RBM12: variants seen among roughly 807,000 people sequenced by gnomAD.
The protein encoded by RBM12 is RNA-binding protein 12.
A neutral mutation model predicts 37.2 loss-of-function variants in RBM12; 24 were observed. The ratio of observed to expected loss-of-function variants is 0.65; its 90% confidence interval spans 0.47 to 0.91. The LOEUF (loss-of-function observed/expected upper bound fraction) is 0.91. Among genes scored for constraint, RBM12 ranks in the 40% least tolerant of loss-of-function variants. RBM12 has a pLI of 0.00. For missense variants in RBM12, 1,061 were observed against 1,183.2 expected, an observed-to-expected ratio of 0.90 and a Z score of 1.52; for synonymous variants, 420 against 425.2, an observed-to-expected ratio of 0.99 and a Z score of 0.15.
chr20:35,654,409 T>C lies in RBM12; in HGVS notation c.914A>G (p.Tyr305Cys), dbSNP rs367922597. 1.2e-6 allele frequency: 2 copies of C among 1,614,052 alleles called. No individual in the cohort carries two copies. The highest frequency in any genetic ancestry group is 1.3e-5 in the African/African-American group (1 of 74,918). The change falls in exon 3 of 3, where the codon TAT becomes TGT. Residue 305 changes from tyrosine (Y) to cysteine (C), a missense_variant. Transcript: ENST00000374114. Reference protein sequence around the residue: ...KPLPINPDDLYVSVHGMPFSA... With the variant: ...KPLPINPDDLCVSVHGMPFSA... ...AAAGGGCATTCCATGCACACTGACA[T>C]ACAGATCATCAGGGTTGATGGGGAG...
chr20:35,661,514 T>A (rs2034229923), intron 1 of RBM12, among the ~76,000 whole-genome samples: 1 of 152,248 alleles, frequency 6.6e-6, no homozygotes, highest in Admixed American at 6.5e-5. Flanking sequence ...AAGCCACTGA[T>A]ATACTTCAGA....
Position 35,650,141 on chromosome 20 carries a change from T to C in RBM12, c.*2383A>G, listed in dbSNP as rs1032410132. ...TTAATAAATCTCAGATACACAAAAA[T>C]CAAGTTCCAGAGGGCAAAGCATTTA... On this transcript the variant is annotated 3_prime_UTR_variant, in exon 3 of 3. Transcript: ENST00000374114. 2 of 152,582 alleles carry C rather than the reference T, an allele frequency of 1.3e-5. No individual in the cohort carries two copies. The highest frequency in any genetic ancestry group is 6.5e-5 in the Admixed American group (1 of 15,284). The allele number at this position is 152,582 out of a possible 1,614,324, so 9.5% of individuals were successfully genotyped here.
rs539871048 is a variant in RBM12, at chr20:35,653,637, C to G, written c.1686G>C (p.Gln562His). ...CATCCACTGGGATTCCTTCTAGGAACTGAAGAACATCCATCTTTGTAATGC... is the reference window on the plus strand; with the variant it reads ...CATCCACTGGGATTCCTTCTAGGAAGTGAAGAACATCCATCTTTGTAATGC... ...PFSITKMDVLQFLEGIPVDEN... is the reference protein window; with the variant it reads ...PFSITKMDVLHFLEGIPVDEN... The change falls in exon 3 of 3, where the codon CAG becomes CAC. Residue 562 changes from glutamine to histidine, a missense_variant. This residue lies in a region of RBM12 where 517 missense variants were observed against 534.0 expected (regional missense o/e 0.97). Transcript: ENST00000374114. 2.5e-6 allele frequency: 4 copies of G among 1,614,036 alleles called. No homozygotes were observed. Among genetic ancestry groups the G allele is most frequent in the African/African-American group, 1.3e-5 (1 of 74,924 alleles).
At chr20:35,662,818 G>A (rs2034307815) in intron 1 of RBM12, among the ~76,000 whole-genome samples, 1 of 152,140 alleles carries the variant, frequency 6.6e-6, no homozygotes, top group South Asian at 2.1e-4. Context: ...TGTCAAAGAA[G>A]GTGAAAGAAG....
Position 35,654,447 on chromosome 20 carries a change from G to C in RBM12, c.876C>G (p.Ser292Arg). Residue 292 changes from serine (S) to arginine (R), a missense_variant, in exon 3 of 3, where the codon AGC becomes AGG. Ser to Arg is a moderately radical substitution (Grantham distance 110). Transcript: ENST00000374114. The stretch of plus-strand genomic sequence containing the variant: ...GGTTGATGGGGAGTGGCTTCACACT[G>C]CTCTGAGAGTTCATCTGGATAGGGT... ...PVNPIQMNSQ[S>R]SVKPLPINPD... 6.2e-7 allele frequency: 1 copy of C among 1,614,188 alleles called. No homozygotes were observed. The highest frequency in any genetic ancestry group is 8.5e-7 in the Non-Finnish European group (1 of 1,180,028).
intron 1 of RBM12, among the ~76,000 whole-genome samples, chr20:35,659,229 A>T (rs6121017): frequency 0.068 from 10,277 of 152,218 alleles, 427 homozygotes; most frequent in South Asian, 0.18. Context: ...TCTCAAAATA[A>T]TTATATATTT....
chr20:35,653,213 C>G lies in RBM12; in HGVS notation c.2110G>C (p.Glu704Gln). The change falls in exon 3 of 3, where the codon GAG (glutamate) becomes CAG (glutamine). Residue 704 changes from glutamate (E) to glutamine (Q), a missense_variant. Around this residue, in one of 3 missense-constraint regions of RBM12, gnomAD observed 517 missense variants for 534.0 expected, o/e 0.97. Transcript: ENST00000374114. The stretch of plus-strand genomic sequence containing the variant: ...GATCCTACAGTCAGGAAGGCATGCT[C>G]TTCACCTCCTGCACTAGGTATTCCT... ...SAGIPSAGGE[E>Q]HAFLTVGSKE... The G allele has an allele frequency of 3.1e-6, 5 of 1,613,544 alleles. No individual in the cohort carries two copies. The highest frequency in any genetic ancestry group is 4.2e-6 in the Non-Finnish European group (5 of 1,179,962).
chr20:35,661,460 A>G (rs1395451232), intron 1 of RBM12, among the ~76,000 whole-genome samples: 1 of 152,246 alleles, frequency 6.6e-6, no homozygotes. Flanking sequence ...CTATACATAC[A>G]GCATAATGAT....
rs1000929258 is a variant in RBM12, at chr20:35,650,133, C to T, written c.*2391G>A. The T allele has an allele frequency of 5.2e-5, 8 of 152,560 alleles. No individual in the cohort carries two copies. Among genetic ancestry groups the T allele is most frequent in the African/African-American group, 1.9e-4 (8 of 41,440 alleles). 9.5% of individuals were successfully genotyped at this position (152,560 alleles called of 1,614,324 possible). A position where few individuals can be genotyped will look rare whatever the true frequency, so the allele number is the denominator to read the frequency against. ...TAGCACTGTTAATAAATCTCAGATA[C>T]ACAAAAATCAAGTTCCAGAGGGCAA... On this transcript the variant is annotated 3_prime_UTR_variant, in exon 3 of 3. Coordinates refer to ENST00000374114, the MANE Select transcript of RBM12 (RefSeq NM_006047.6).
intron 1 of RBM12, among the ~76,000 whole-genome samples, chr20:35,661,492 G>C (rs2034228996): frequency 6.6e-6 from 1 of 152,210 alleles, no homozygotes; most frequent in Non-Finnish European, 1.5e-5. Flanking sequence ...AAATGGGCCT[G>C]ATTTGTCATT....
In RBM12 at chr20:35,652,722, C is replaced by T. The variant is rs2033605600; in HGVS notation, c.2601G>A (p.Val867=). The part of the protein sequence containing the change: ...VIKVQNMPFT[V]SIDEILDFFY... ...AGAAATCTAAAATCTCATCAATAGA[C>T]ACAGTAAAGGGCATGTTTTGCACTT... The change falls in exon 3 of 3, where the codon GTG becomes GTA. Residue 867 remains valine (V), a synonymous_variant. Transcript: ENST00000374114. The T allele has an allele frequency of 6.2e-7, 1 of 1,613,966 alleles. No homozygotes were observed. The highest frequency in any genetic ancestry group is 1.3e-5 in the African/African-American group (1 of 74,926).
Position 35,650,049 on chromosome 20 carries a change from A to T in RBM12, c.*2475T>A, listed in dbSNP as rs2033395293. ...TAGTTTCACAGAATACATTTTCAAGAATTTTTTAAAAACTGAAACTCCAAT... is the reference window on the plus strand; with the variant it reads ...TAGTTTCACAGAATACATTTTCAAGTATTTTTTAAAAACTGAAACTCCAAT... On this transcript the variant is annotated 3_prime_UTR_variant, in exon 3 of 3. Transcript: ENST00000374114. 1 of 152,636 alleles carries T rather than the reference A, an allele frequency of 6.6e-6. No individual in the cohort carries two copies. The highest frequency in any genetic ancestry group is 1.5e-5 in the Non-Finnish European group (1 of 68,014). 9.5% of individuals were successfully genotyped at this position (152,636 alleles called of 1,614,324 possible).
chr20:35,655,080 A>G lies in RBM12; in HGVS notation c.243T>C (p.Asn81=). The G allele has an allele frequency of 6.2e-7, 1 of 1,614,182 alleles. No individual in the cohort carries two copies. Among genetic ancestry groups the G allele is most frequent in the Non-Finnish European group, 8.5e-7 (1 of 1,180,042 alleles). Reference sequence around the variant, plus strand: ...AACGCCTACGACTCAGTTCAATCATATTCTGCATTTCCGTCTTACTACTCA... The same window carrying G: ...AACGCCTACGACTCAGTTCAATCATGTTCTGCATTTCCGTCTTACTACTCA... ...LLLSSKTEMQ[N]MIELSRRRFE... Residue 81 remains asparagine (N), a synonymous_variant, in exon 3 of 3, where the codon AAT becomes AAC. Transcript: ENST00000374114.
chr20:35,655,513 A>G (rs1039508362), intron 2 of RBM12, among the ~76,000 whole-genome samples, 169 bp from the exon 3 acceptor site: 1 of 152,260 alleles, frequency 6.6e-6, no homozygotes, highest in African/African-American at 2.4e-5. Flanking sequence ...CGTGCCATTT[A>G]CAATGTAAAA....
chr20:35,659,927 C>T (rs6060540), intron 1 of RBM12, among the ~76,000 whole-genome samples: 10,391 of 152,156 alleles, frequency 0.068, 440 homozygotes, highest in South Asian at 0.18. Flanking sequence ...AGATTACCTA[C>T]GACTACTTTT....
intron 1 of RBM12, among the ~76,000 whole-genome samples, chr20:35,662,097 TG>T (rs1331646279): frequency 6.6e-6 from 1 of 152,210 alleles, no homozygotes; most frequent in Non-Finnish European, 1.5e-5. Context: ...AAAATTATTC[TG>T]ACACTGATGG....
intron 2 of RBM12, 129 bp from the exon 3 acceptor site, chr20:35,655,473 T>C: frequency 1.3e-6 from 1 of 765,016 alleles, no homozygotes; most frequent in South Asian, 2.0e-5. Context: ...GCAATGTCTT[T>C]AATTTAGATA....
intron 2 of RBM12, 25 bp from the exon 3 acceptor site, chr20:35,655,369 C>A (rs771955289): frequency 6.5e-7 from 1 of 1,549,892 alleles, no homozygotes; most frequent in Non-Finnish European, 8.7e-7. Flanking sequence ...AGGCAACGGC[C>A]AGGTCAGACT....
Position 35,653,923 on chromosome 20 carries a change from T to C in RBM12, c.1400A>G (p.Asn467Ser). The C allele has an allele frequency of 1.2e-6, 2 of 1,614,186 alleles. No individual in the cohort carries two copies. Among genetic ancestry groups the C allele is most frequent in the Non-Finnish European group, 1.7e-6 (2 of 1,180,032 alleles). The part of the protein sequence containing the change: ...EDSIYIAYGP[N>S]GKATGEGFVE... The stretch of plus-strand genomic sequence containing the variant: ...AAAGCCTTCGCCAGTTGCTTTCCCA[T>C]TGGGTCCATAAGCTATATAAATACT... Residue 467 changes from asparagine to serine, a missense_variant, in exon 3 of 3, where the codon AAT becomes AGT. By Grantham distance (46) the Asn-to-Ser change is conservative (BLOSUM62 1). This residue lies in a region of RBM12 where 540 missense variants were observed against 632.7 expected (regional missense o/e 0.85). Transcript: ENST00000374114.
Sources: allele counts gnomAD v4.1 joint callset (sites outside exome capture counted in the v4.1 genomes callset), GRCh38; gene constraint gnomAD v4.1.1; regional missense constraint gnomAD v4.1.1; transcripts MANE v1.5; gene names NCBI Gene and HGNC (gene_info 2026-07-23, HGNC 2026-07-21).